PPARGC1A: variants seen among roughly 807,000 people sequenced by gnomAD.
PPARGC1A encodes the protein PPARG coactivator 1 alpha, also known as peroxisome proliferator-activated receptor gamma coactivator 1-alpha.
PPARGC1A carries 25 observed loss-of-function variants against 88.7 expected under a neutral mutation model. That is an observed-to-expected ratio of 0.28 (90% CI 0.21 to 0.39). The LOEUF (loss-of-function observed/expected upper bound fraction) is 0.39, where lower values mean the gene tolerates loss of function less well. Among genes scored for constraint, PPARGC1A ranks in the 10% least tolerant of loss-of-function variants. The pLI, the probability that PPARGC1A is intolerant of heterozygous loss-of-function variation, is 1.00. For missense variants in PPARGC1A, 880 were observed against 968.7 expected (o/e 0.91, Z 1.22); for synonymous variants, 363 against 355.6 (o/e 1.02, Z -0.24).
the PPARGC1A span, among the ~76,000 whole-genome samples, chr4:23,932,569 C>T: frequency 6.6e-6 from 1 of 151,480 alleles, no homozygotes; most frequent in Non-Finnish European, 1.5e-5. Flanking sequence ...TTATTGTTTA[C>T]TTTAGGGAAA....
At chr4:24,290,314 C>T in the PPARGC1A span, among the ~76,000 whole-genome samples, 221 of 151,966 alleles carry the variant, frequency 1.5e-3, no homozygotes, top group Middle Eastern at 3.4e-3. Flanking sequence ...TTGGTGTACC[C>T]ATCACCCGAG....
At chr4:24,368,693 G>T in the PPARGC1A span, among the ~76,000 whole-genome samples, 5 of 152,028 alleles carry the variant, frequency 3.3e-5, no homozygotes, top group East Asian at 9.6e-4. Flanking sequence ...TTTCCAATGG[G>T]CTGTGCAATA....
Position 23,857,338 on chromosome 4 carries a change from C to A in PPARGC1A, c.235-25587G>T, listed in dbSNP as rs182757750. Reference sequence around the variant, plus strand: ...GCAAATAAAGCCAGGGATGAAGTTTCATAAAATCTATTTAGTATGTGCGTG... The same window carrying A: ...GCAAATAAAGCCAGGGATGAAGTTTAATAAAATCTATTTAGTATGTGCGTG... On this transcript the variant is annotated intron_variant, in intron 2 of 12. Coordinates refer to ENST00000264867, the MANE Select transcript of PPARGC1A (RefSeq NM_013261.5). Among the ~76,000 whole-genome samples the A allele has an allele frequency of 9.7e-3, 1,382 of 142,670 alleles. 12 individuals are homozygous for A. The highest frequency in any genetic ancestry group is 0.012 in the Non-Finnish European group (772 of 65,906). 93.6% of individuals were successfully genotyped at this position (142,670 alleles called of 152,430 possible).
the PPARGC1A span, among the ~76,000 whole-genome samples, chr4:23,983,634 T>C: frequency 6.6e-6 from 1 of 151,568 alleles, no homozygotes; most frequent in Non-Finnish European, 1.5e-5. Flanking sequence ...ATAGAGAAAA[T>C]GGAACAATGC....
intron 2 of PPARGC1A, among the ~76,000 whole-genome samples, chr4:23,841,047 T>A (rs1726969958): frequency 6.6e-6 from 1 of 152,164 alleles, no homozygotes. Flanking sequence ...AATGTAATGA[T>A]CATCTTTTGT....
At chr4:23,859,876 A>G (rs907642978) in intron 2 of PPARGC1A, among the ~76,000 whole-genome samples, 7 of 152,076 alleles carry the variant, frequency 4.6e-5, no homozygotes, top group African/African-American at 1.4e-4. Context: ...AAGAGAAAGA[A>G]TTTTCATGTA....
At chr4:24,227,442 G>C in the PPARGC1A span, among the ~76,000 whole-genome samples, 2 of 152,058 alleles carry the variant, frequency 1.3e-5, no homozygotes, top group African/African-American at 4.8e-5. Flanking sequence ...TTTGTAAAAC[G>C]AATATAGAAT....
the PPARGC1A span, among the ~76,000 whole-genome samples, chr4:23,956,236 T>G: frequency 6.6e-6 from 1 of 152,082 alleles, no homozygotes; most frequent in Non-Finnish European, 1.5e-5. Context: ...TCCTCTCACT[T>G]TAATGTACAT....
upstream of PPARGC1A, among the ~76,000 whole-genome samples, chr4:23,890,507 C>T (rs565082706): frequency 1.3e-5 from 2 of 151,124 alleles, no homozygotes; most frequent in Non-Finnish European, 2.9e-5. Context: ...CAAGTGGACT[C>T]AAGCTCAGTT....
the PPARGC1A span, among the ~76,000 whole-genome samples, chr4:24,294,749 C>T: frequency 2.2e-4 from 33 of 152,144 alleles, no homozygotes; most frequent in Non-Finnish European, 2.2e-4. Context: ...GCCAGGCAAA[C>T]GTTTCCTTTT....
chr4:24,180,604 G>T, the PPARGC1A span, among the ~76,000 whole-genome samples: 822 of 152,170 alleles, frequency 5.4e-3, 4 homozygotes, highest in Non-Finnish European at 8.4e-3. Context: ...AATGTGCAAG[G>T]GTTCTAACCC....
chr4:24,323,669 G>A, the PPARGC1A span, among the ~76,000 whole-genome samples: 2 of 152,200 alleles, frequency 1.3e-5, no homozygotes, highest in Non-Finnish European at 2.9e-5. Context: ...CAGCCATGTT[G>A]CTCACACAAA....
At chr4:24,462,859 G>A in the PPARGC1A span, among the ~76,000 whole-genome samples, 495 of 151,676 alleles carry the variant, frequency 3.3e-3, no homozygotes, top group Non-Finnish European at 5.2e-3. Context: ...AGTAACAAAC[G>A]TCTTTCAGGT....
chr4:24,419,864 T>C, the PPARGC1A span, among the ~76,000 whole-genome samples: 1 of 152,164 alleles, frequency 6.6e-6, no homozygotes, highest in Admixed American at 6.5e-5. Flanking sequence ...TCCAAATGCA[T>C]CCTCATACAA....
chr4:24,340,921 T>C, the PPARGC1A span, among the ~76,000 whole-genome samples: 1 of 152,210 alleles, frequency 6.6e-6, no homozygotes, highest in Non-Finnish European at 1.5e-5. Context: ...ATCCATTTCT[T>C]CATTTTCTTC....
chr4:23,980,272 T>G, the PPARGC1A span, among the ~76,000 whole-genome samples: 1 of 151,872 alleles, frequency 6.6e-6, no homozygotes, highest in African/African-American at 2.4e-5. Context: ...GTCATCTATC[T>G]GCTCAAACAT....
chr4:24,399,578 A>C, the PPARGC1A span, among the ~76,000 whole-genome samples: 1 of 152,202 alleles, frequency 6.6e-6, no homozygotes, highest in Non-Finnish European at 1.5e-5. Flanking sequence ...TAAGTCAAGA[A>C]CTTCCACAGG....
the PPARGC1A span, among the ~76,000 whole-genome samples, chr4:24,311,874 T>A: frequency 1.3e-5 from 2 of 152,100 alleles, no homozygotes; most frequent in East Asian, 3.9e-4. Flanking sequence ...AAGTTGCAGA[T>A]ATCAGGATGA....
intron 3 of PPARGC1A, 46 bp from the exon 4 acceptor site, chr4:23,829,631 T>C (rs753922879): frequency 1.3e-6 from 2 of 1,563,538 alleles, no homozygotes; most frequent in Admixed American, 1.7e-5. Context: ...AAGTTATGCA[T>C]CTTTTAAGCA....
Sources: allele counts gnomAD v4.1 joint callset (sites outside exome capture counted in the v4.1 genomes callset), GRCh38; gene constraint gnomAD v4.1.1; transcripts MANE v1.5; gene names NCBI Gene and HGNC (gene_info 2026-07-23, HGNC 2026-07-21).